The following UIMC1 variants were observed in gnomAD, a reference collection of about 807,000 sequenced individuals.
UIMC1 encodes ubiquitin interaction motif containing 1.
Under a neutral mutation model 84.9 loss-of-function variants are expected in UIMC1, and 42 were observed. That is an observed-to-expected ratio of 0.49 (90% CI 0.39 to 0.64). The LOEUF is 0.64. UIMC1 is among the 30% of genes least tolerant of loss of function. The pLI, the probability that UIMC1 is intolerant of heterozygous loss-of-function variation, is 0.00. For synonymous variants in UIMC1, 281 were observed against 293.0 expected, an observed-to-expected ratio of 0.96 and a Z score of 0.42; for missense variants, 825 against 847.6, an observed-to-expected ratio of 0.97 and a Z score of 0.33.
At chr5:177,013,105 A>G (rs1775588425) in intron 1 of UIMC1, among the ~76,000 whole-genome samples, 1 of 150,668 alleles carries the variant, frequency 6.6e-6, no homozygotes, top group African/African-American at 2.4e-5. Flanking sequence ...GGCCAGGCAC[A>G]GTGGTTCATG....
Position 176,976,470 on chromosome 5 carries a change from T to C in UIMC1, c.148-990A>G, listed in dbSNP as rs146047108. On this transcript the variant is annotated intron_variant, in intron 2 of 14. Coordinates refer to ENST00000511320, the MANE Select transcript of UIMC1 (RefSeq NM_001199298.2). ...AGTCAAAACCACAATAAGGTATCAC[T>C]TCACACCCACTAGGATAATTAAAAT... is the stretch of plus-strand genomic sequence containing the variant. 6.6e-5 allele frequency among the ~76,000 whole-genome samples: 10 copies of C among 152,288 alleles called. No homozygotes were observed. The East Asian group carries it at 1.9e-3, about 29-fold the overall frequency.
chr5:177,007,998 G>A (rs1002157872), upstream of UIMC1, among the ~76,000 whole-genome samples: 9 of 151,822 alleles, frequency 5.9e-5, no homozygotes, highest in Admixed American at 3.9e-4. Context: ...CCAGCTATTC[G>A]GGAGGCTGAG....
intron 1 of UIMC1, among the ~76,000 whole-genome samples, chr5:176,994,953 G>A (rs1278174406): frequency 2.0e-5 from 2 of 100,918 alleles, no homozygotes; most frequent in African/African-American, 6.2e-5. Context: ...CTCACTCTGG[G>A]GCGGGGTGTG....
intron 6 of UIMC1, among the ~76,000 whole-genome samples, chr5:176,966,536 G>GA (rs1328174578): frequency 6.6e-6 from 1 of 151,692 alleles, no homozygotes; most frequent in Admixed American, 6.6e-5. Flanking sequence ...GAAATAGCAA[G>GA]AAAAAACAGT....
At chr5:176,959,651 G>A (rs564929511) in intron 6 of UIMC1, among the ~76,000 whole-genome samples, 123 of 148,556 alleles carry the variant, frequency 8.3e-4, no homozygotes, top group Middle Eastern at 3.6e-3. Flanking sequence ...GGGAGGCGGA[G>A]CTTGCAGTGA....
At chr5:176,953,547 C>T (rs915393407) in intron 8 of UIMC1, among the ~76,000 whole-genome samples, 1 of 145,954 alleles carries the variant, frequency 6.9e-6, no homozygotes, top group Non-Finnish European at 1.5e-5. Flanking sequence ...TGGAAAAAGG[C>T]TTACAGGACA....
chr5:176,956,416 A>G (rs1766603881), intron 7 of UIMC1, among the ~76,000 whole-genome samples: 2 of 152,194 alleles, frequency 1.3e-5, no homozygotes, highest in Admixed American at 1.3e-4. Flanking sequence ...AGATTTGTAA[A>G]CTGACAAGAG....
At chr5:176,948,722 T>C (rs1765445812) in intron 9 of UIMC1, among the ~76,000 whole-genome samples, 2 of 152,146 alleles carry the variant, frequency 1.3e-5, no homozygotes, top group Non-Finnish European at 1.5e-5. Context: ...ATGAGTAAAG[T>C]GATTAATTTG....
chr5:177,022,582 A>G, exon 1 of UIMC1: 1 of 723,244 alleles, frequency 1.4e-6, no homozygotes. Context: ...GAGGTACCAG[A>G]GGTAGCAAAG....
intron 1 of UIMC1, among the ~76,000 whole-genome samples, chr5:177,021,835 G>C: frequency 6.6e-6 from 1 of 152,184 alleles, no homozygotes; most frequent in Non-Finnish European, 1.5e-5. Context: ...ATTTTTAGTA[G>C]AGACGGGGTT....
At chr5:176,959,454 C>G (rs184139513) in intron 6 of UIMC1, among the ~76,000 whole-genome samples, 37 of 152,262 alleles carry the variant, frequency 2.4e-4, no homozygotes, top group African/African-American at 8.4e-4. Flanking sequence ...CGGTGGCTCA[C>G]GCCTGTAATC....
intron 1 of UIMC1, among the ~76,000 whole-genome samples, chr5:176,986,359 CAAA>C (rs71583560): frequency 3.6e-5 from 1 of 28,000 alleles, no homozygotes; most frequent in African/African-American, 9.9e-5. Flanking sequence ...GACTTCATCT[CAAA>C]AAAAAAAAAA....
Position 176,968,861 on chromosome 5 carries a change from G to C in UIMC1, c.894C>G (p.Cys298Trp). ...GGCTCTTTTGATAAACCTCCAACTG[G>C]CAGAGAATGACCTTGGTATACTGGT... Reference protein sequence around the residue: ...DPNQYTKVILCQLEVYQKSLK... With the variant: ...DPNQYTKVILWQLEVYQKSLK... Residue 298 changes from cysteine (C) to tryptophan (W), a missense_variant, in exon 6 of 15, where the codon TGC (cysteine) becomes TGG (tryptophan). Cys to Trp is a radical substitution (Grantham distance 215). Transcript: ENST00000511320. 6.2e-7 allele frequency: 1 copy of C among 1,614,062 alleles called. No homozygotes were observed. Among genetic ancestry groups the C allele is most frequent in the Non-Finnish European group, 8.5e-7 (1 of 1,180,008 alleles).
intron 1 of UIMC1, among the ~76,000 whole-genome samples, chr5:177,012,427 G>T (rs1214916822): frequency 1.3e-5 from 2 of 152,170 alleles, no homozygotes; most frequent in Non-Finnish European, 2.9e-5. Flanking sequence ...GCCAGGCGCA[G>T]TGTCTCACAC....
chr5:176,997,480 C>T lies in UIMC1; in HGVS notation c.-9+9170G>A, dbSNP rs1340305952. On this transcript the variant is annotated intron_variant, in intron 1 of 14. Coordinates refer to ENST00000511320, the MANE Select transcript of UIMC1 (RefSeq NM_001199298.2). Reference sequence around the variant, plus strand: ...CAGGCGGATCACAAGGTCAGGAGATCGAGACCATCCTGGCTCACACAGTGA... The same window carrying T: ...CAGGCGGATCACAAGGTCAGGAGATTGAGACCATCCTGGCTCACACAGTGA... 2.6e-5 allele frequency among the ~76,000 whole-genome samples: 4 copies of T among 152,106 alleles called. No homozygotes were observed. In the South Asian group the frequency reaches 8.3e-4, roughly 32 times the overall value.
intron 2 of UIMC1, among the ~76,000 whole-genome samples, chr5:176,977,941 T>C (rs1362178395): frequency 2.0e-5 from 3 of 151,042 alleles, no homozygotes; most frequent in South Asian, 4.2e-4. Context: ...ATAAAAATAA[T>C]AACAAAACAA....
chr5:176,915,784 G>A lies in UIMC1; in HGVS notation c.1598-4395C>T, dbSNP rs370837845. Reference sequence around the variant, plus strand: ...TGAAGTATTAAGTAACCTGATCAAGGTCACAAAGCAAAAAAAAAAAAAAAA... The same window carrying A: ...TGAAGTATTAAGTAACCTGATCAAGATCACAAAGCAAAAAAAAAAAAAAAA... On this transcript the variant is annotated intron_variant, in intron 10 of 14. Transcript: ENST00000511320. Among the ~76,000 whole-genome samples, 325 of 117,152 alleles carry A rather than the reference G, an allele frequency of 2.8e-3. 1 individual carries two copies. Among genetic ancestry groups the A allele is most frequent in the African/African-American group, 0.01 (317 of 30,372 alleles). 76.9% of individuals were successfully genotyped at this position (117,152 alleles called of 152,430 possible).
At chr5:176,959,149 C>T (rs1444943069) in intron 6 of UIMC1, among the ~76,000 whole-genome samples, 2 of 152,204 alleles carry the variant, frequency 1.3e-5, no homozygotes, top group East Asian at 3.8e-4. Flanking sequence ...AAAAACAAGA[C>T]TTAACCAAAC....
At chr5:177,000,479 C>T (rs10043013) in intron 1 of UIMC1, among the ~76,000 whole-genome samples, 13,709 of 147,534 alleles carry the variant, frequency 0.093, 1,313 homozygotes, top group African/African-American at 0.25. Context: ...TTTCATATGC[C>T]TGTTTTCCAC....
Sources: allele counts gnomAD v4.1 joint callset (sites outside exome capture counted in the v4.1 genomes callset), GRCh38; gene constraint gnomAD v4.1.1; transcripts MANE v1.5; gene names NCBI Gene and HGNC (gene_info 2026-07-23, HGNC 2026-07-21).